The following PCDH9 variants were observed in gnomAD, a reference collection of about 807,000 sequenced individuals.
PCDH9 encodes protocadherin 9, also known as protocadherin-9.
Under a neutral mutation model 70.6 loss-of-function variants are expected in PCDH9, and 24 were observed. The observed-to-expected ratio is 0.34, with a 90% CI of 0.25 to 0.48. PCDH9 has a LOEUF of 0.48. PCDH9 is among the 20% of genes least tolerant of loss of function. The pLI is 0.99. For synonymous variants in PCDH9, 562 were observed against 558.5 expected (o/e 1.01, Z -0.09); for missense variants, 1,281 against 1,503.6 (o/e 0.85, Z 2.45).
At chr13:66,581,326 A>G (rs1329206974) in intron 4 of PCDH9, among the ~76,000 whole-genome samples, 2 of 152,158 alleles carry the variant, frequency 1.3e-5, no homozygotes, top group Non-Finnish European at 1.5e-5. Context: ...AAGCCTTAAG[A>G]TAGCATAATT....
chr13:66,955,271 T>G (rs2083249653), intron 2 of PCDH9, among the ~76,000 whole-genome samples: 2 of 152,200 alleles, frequency 1.3e-5, no homozygotes, highest in Admixed American at 6.5e-5. Context: ...GGGTTTTCAG[T>G]GACAGTAAAC....
At chr13:66,740,895 C>T (rs1356247564) in intron 3 of PCDH9, among the ~76,000 whole-genome samples, 7 of 115,774 alleles carry the variant, frequency 6.0e-5, no homozygotes, top group South Asian at 7.6e-4. Context: ...GATTCACAGC[C>T]GAATTCTACC....
At chr13:66,511,017 A>G (rs1221902100) in intron 4 of PCDH9, among the ~76,000 whole-genome samples, 1 of 152,184 alleles carries the variant, frequency 6.6e-6, no homozygotes, top group East Asian at 1.9e-4. Flanking sequence ...TGCTCACTGA[A>G]GAAAACTACT....
intron 2 of PCDH9, among the ~76,000 whole-genome samples, chr13:67,086,755 G>A (rs747110142): frequency 7.2e-5 from 11 of 152,012 alleles, no homozygotes; most frequent in Non-Finnish European, 1.3e-4. Flanking sequence ...AAGTGACACT[G>A]GCAAAATCTT....
intron 3 of PCDH9, among the ~76,000 whole-genome samples, chr13:66,742,825 A>G (rs2139205154): frequency 6.7e-6 from 1 of 148,818 alleles, no homozygotes; most frequent in South Asian, 2.2e-4. Flanking sequence ...AATGGCAATC[A>G]TTAAAAAGTC....
intron 2 of PCDH9, among the ~76,000 whole-genome samples, chr13:66,985,059 T>C (rs1013873714): frequency 6.6e-6 from 1 of 152,120 alleles, no homozygotes; most frequent in African/African-American, 2.4e-5. Flanking sequence ...CTGGATCATT[T>C]GGAACACAAT....
chr13:67,054,726 A>C (rs1170197199), intron 2 of PCDH9, among the ~76,000 whole-genome samples: 1 of 152,178 alleles, frequency 6.6e-6, no homozygotes, highest in Non-Finnish European at 1.5e-5. Context: ...ATCAATGTTG[A>C]GAAATTTGTT....
intron 3 of PCDH9, among the ~76,000 whole-genome samples, chr13:66,754,655 A>T (rs2079513166): frequency 1.3e-5 from 2 of 152,052 alleles, no homozygotes; most frequent in Admixed American, 1.3e-4. Flanking sequence ...TAACTTCATA[A>T]CAATGTAGTA....
intron 3 of PCDH9, among the ~76,000 whole-genome samples, chr13:66,870,192 T>C (rs1164316269): frequency 1.3e-5 from 2 of 152,156 alleles, no homozygotes; most frequent in African/African-American, 2.4e-5. Context: ...CCTTTCCCCA[T>C]TGCTTGTTTT....
intron 3 of PCDH9, among the ~76,000 whole-genome samples, chr13:66,722,967 C>CAAAAAAAAAAAAAAAAAAAA: frequency 1.4e-5 from 1 of 73,694 alleles, no homozygotes; most frequent in Non-Finnish European, 2.9e-5. Context: ...GACTGCATCT[C>CAAAAAAAAAAAAAAAAAAAA]AAAAAAAAAA....
Position 66,692,990 on chromosome 13 carries a change from T to C in PCDH9, c.3139-61579A>G, listed in dbSNP as rs2078509817. Among the ~76,000 whole-genome samples, 3 of 152,032 alleles carry C rather than the reference T, an allele frequency of 2.0e-5. No homozygotes were observed. In the South Asian group the frequency reaches 6.2e-4, roughly 31 times the overall value. On this transcript the variant is annotated intron_variant, in intron 3 of 4. Coordinates refer to ENST00000377865, the MANE Select transcript of PCDH9 (RefSeq NM_203487.3). ...GGTACGATATATGTGGTAACAACAA[T>C]ATCTATTATCAAAACTCAAAAGAAA... is the stretch of plus-strand genomic sequence containing the variant.
chr13:67,123,562 T>G (rs2086916820), intron 2 of PCDH9, among the ~76,000 whole-genome samples: 1 of 152,224 alleles, frequency 6.6e-6, no homozygotes, highest in Admixed American at 6.5e-5. Flanking sequence ...ATAGTAATGT[T>G]ACGATAATCA....
At position 66,812,206 on chromosome 13, in the gene PCDH9, G is replaced by GT. The variant is rs562895240; in HGVS notation, c.3138+91297dup. ...CAGGATAAGCATAATAACTATGAGAGTTTTTTAATGGAAGAAAAGGCAGTG... is the reference window on the plus strand; with the variant it reads ...CAGGATAAGCATAATAACTATGAGAGTTTTTTTAATGGAAGAAAAGGCAGTG... On this transcript the variant is annotated intron_variant, in intron 3 of 4. Transcript: ENST00000377865. Among the ~76,000 whole-genome samples the GT allele has an allele frequency of 4.2e-4, 64 of 152,224 alleles. No individual in the cohort carries two copies. In the Middle Eastern group the frequency reaches 0.01, roughly 24 times the overall value.
intron 2 of PCDH9, chr13:67,202,501 A>G (rs961623209): frequency 2.6e-5 from 4 of 152,138 alleles, no homozygotes; most frequent in Non-Finnish European, 4.4e-5. Context: ...CCCAGTACCA[A>G]CTGCCCACTG....
intron 4 of PCDH9, among the ~76,000 whole-genome samples, chr13:66,400,032 T>C (rs544817422): frequency 1.4e-4 from 21 of 152,318 alleles, no homozygotes; most frequent in African/African-American, 4.1e-4. Flanking sequence ...GTCTACAGCA[T>C]TGTTAACCCT....
At chr13:66,694,774 T>C (rs954084763) in intron 3 of PCDH9, among the ~76,000 whole-genome samples, 2 of 152,220 alleles carry the variant, frequency 1.3e-5, no homozygotes, top group Admixed American at 6.5e-5. Context: ...ATTTAAAAGT[T>C]GTTTCTCATT....
chr13:66,970,394 C>T (rs1358454731), intron 2 of PCDH9, among the ~76,000 whole-genome samples: 2 of 151,304 alleles, frequency 1.3e-5, no homozygotes, highest in Non-Finnish European at 3.0e-5. Flanking sequence ...TCTGGGGGGC[C>T]AAGGAGGGTG....
chr13:66,483,578 G>A (rs1958880845), intron 4 of PCDH9, among the ~76,000 whole-genome samples: 1 of 152,186 alleles, frequency 6.6e-6, no homozygotes, highest in Non-Finnish European at 1.5e-5. Context: ...TTGTTAAAAG[G>A]AATACTCTTG....
intron 3 of PCDH9, among the ~76,000 whole-genome samples, chr13:66,828,734 A>G (rs966208079): frequency 2.6e-5 from 4 of 152,072 alleles, no homozygotes; most frequent in African/African-American, 9.7e-5. Context: ...TTTCAAAAAT[A>G]CACTGAATAA....
Sources: allele counts gnomAD v4.1 joint callset (sites outside exome capture counted in the v4.1 genomes callset), GRCh38; gene constraint gnomAD v4.1.1; transcripts MANE v1.5; gene names NCBI Gene and HGNC (gene_info 2026-07-23, HGNC 2026-07-21).